The following EXOC4 variants were observed in gnomAD, a reference collection of about 807,000 sequenced individuals.
EXOC4 encodes the protein SEC8-like 1.
A neutral mutation model predicts 107.2 loss-of-function variants in EXOC4; 71 were observed. The observed-to-expected ratio is 0.66, with a 90% CI of 0.55 to 0.81. EXOC4 has a LOEUF of 0.81. Ranked by LOEUF, EXOC4 falls within the 30% of genes least tolerant of loss-of-function variation. The probability of loss-of-function intolerance (pLI) is 0.00; values close to 1 mark genes in which losing one functional copy is unlikely to be tolerated. For missense variants in EXOC4, 1,108 were observed against 1,189.6 expected (o/e 0.93, Z 1.01); for synonymous variants, 456 against 441.2 (o/e 1.03, Z -0.42).
At chr7:133,273,712 T>A (rs969913114) in intron 1 of EXOC4, among the ~76,000 whole-genome samples, 4 of 152,204 alleles carry the variant, frequency 2.6e-5, no homozygotes, top group African/African-American at 9.7e-5. Context: ...TTGCTCTAAA[T>A]GACAGTTCAG....
intron 10 of EXOC4, among the ~76,000 whole-genome samples, chr7:133,661,204 T>A (rs1439504657): frequency 6.6e-6 from 1 of 152,102 alleles, no homozygotes; most frequent in Non-Finnish European, 1.5e-5. Context: ...TGGCAGTCTC[T>A]TGCTGCATGC....
intron 10 of EXOC4, among the ~76,000 whole-genome samples, chr7:133,782,708 A>C (rs1033550496): frequency 2.6e-5 from 4 of 152,228 alleles, no homozygotes; most frequent in Non-Finnish European, 4.4e-5. Flanking sequence ...AATGAATGCC[A>C]GGAATGACTG....
chr7:133,531,106 C>G (rs1182831926), intron 9 of EXOC4, among the ~76,000 whole-genome samples: 1 of 151,854 alleles, frequency 6.6e-6, no homozygotes, highest in Non-Finnish European at 1.5e-5. Context: ...GGAATCCAAA[C>G]TGTAGGAAAA....
intron 14 of EXOC4, among the ~76,000 whole-genome samples, chr7:133,962,676 G>A (rs1163812256): frequency 6.6e-6 from 1 of 152,078 alleles, no homozygotes. Flanking sequence ...TTAAATTTAA[G>A]CAAAATTGAG....
At chr7:133,458,812 A>G (rs1213003803) in intron 7 of EXOC4, among the ~76,000 whole-genome samples, 1 of 152,250 alleles carries the variant, frequency 6.6e-6, no homozygotes, top group Non-Finnish European at 1.5e-5. Context: ...GTACTTCTGC[A>G]TGTTTAATTA....
chr7:134,054,103 G>T (rs937970939), intron 17 of EXOC4, among the ~76,000 whole-genome samples: 1 of 152,022 alleles, frequency 6.6e-6, no homozygotes, highest in African/African-American at 2.4e-5. Flanking sequence ...GCACTACCAC[G>T]CCCAGCCAAT....
At chr7:133,764,417 G>A (rs1262226224) in intron 10 of EXOC4, among the ~76,000 whole-genome samples, 1 of 152,000 alleles carries the variant, frequency 6.6e-6, no homozygotes, top group African/African-American at 2.4e-5. Flanking sequence ...AATATTTTAT[G>A]ATGGCGTCTC....
At chr7:133,900,674 CA>C (rs1799431489) in intron 12 of EXOC4, among the ~76,000 whole-genome samples, 1 of 151,186 alleles carries the variant, frequency 6.6e-6, no homozygotes, top group Non-Finnish European at 1.5e-5. Flanking sequence ...GTGCCTGAAT[CA>C]GGGGACAGGG....
chr7:134,059,993 G>C (rs1274207584), intron 17 of EXOC4, among the ~76,000 whole-genome samples: 3 of 152,146 alleles, frequency 2.0e-5, no homozygotes, highest in Admixed American at 6.5e-5. Context: ...GGGGGAGAAA[G>C]AGTCGCAGTG....
chr7:133,914,361 G>C (rs1799759550), intron 12 of EXOC4, among the ~76,000 whole-genome samples: 1 of 152,146 alleles, frequency 6.6e-6, no homozygotes, highest in Admixed American at 6.5e-5. Context: ...ACATATAGAG[G>C]TCAAATAGAG....
intron 10 of EXOC4, among the ~76,000 whole-genome samples, chr7:133,809,291 A>G (rs989530691): frequency 2.6e-5 from 4 of 152,196 alleles, no homozygotes; most frequent in African/African-American, 9.7e-5. Context: ...GCTTTTATAC[A>G]CAATCTGTGT....
rs1193626098 is a variant in EXOC4 at position 134,017,592 on chromosome 7, C to G, written c.2687+9757C>G. On this transcript the variant is annotated intron_variant, in intron 17 of 17. Coordinates refer to ENST00000253861, the MANE Select transcript of EXOC4 (RefSeq NM_021807.4). The stretch of plus-strand genomic sequence containing the variant: ...GACCATGCCGCTTTTTTCTGATCTC[C>G]CTTTTTTTACATTTACATTAGGTCC... 2.0e-5 allele frequency among the ~76,000 whole-genome samples: 3 copies of G among 152,140 alleles called. No homozygotes were observed. The East Asian group carries it at 5.8e-4, about 29-fold the overall frequency.
the EXOC4 span, among the ~76,000 whole-genome samples, chr7:134,094,630 C>G: frequency 6.6e-6 from 1 of 151,998 alleles, no homozygotes; most frequent in South Asian, 2.1e-4. Context: ...AAACTACAGG[C>G]CAAGATCCTT....
chr7:133,872,480 C>T (rs1475708262), intron 11 of EXOC4, among the ~76,000 whole-genome samples: 1 of 152,160 alleles, frequency 6.6e-6, no homozygotes, highest in African/African-American at 2.4e-5. Flanking sequence ...ATCTGGAAAT[C>T]TCTAGTGGTC....
At chr7:134,051,863 GTAGTC>G (rs1422283715) in intron 17 of EXOC4, among the ~76,000 whole-genome samples, 1 of 151,684 alleles carries the variant, frequency 6.6e-6, no homozygotes, top group Non-Finnish European at 1.5e-5. Flanking sequence ...GTGGGCACCT[GTAGTC>G]CCAGCTACTC....
chr7:133,566,461 C>G (rs572497703), intron 9 of EXOC4, among the ~76,000 whole-genome samples: 1 of 152,238 alleles, frequency 6.6e-6, no homozygotes, highest in East Asian at 1.9e-4. Context: ...TAAGTGCAGA[C>G]TAAAATAGGA....
chr7:133,346,909 G>T (rs926904618), intron 5 of EXOC4, among the ~76,000 whole-genome samples: 1 of 152,086 alleles, frequency 6.6e-6, no homozygotes, highest in Non-Finnish European at 1.5e-5. Flanking sequence ...AAATATAAAT[G>T]AAATAATGCA....
chr7:133,817,447 A>G lies in EXOC4; in HGVS notation c.1637A>G (p.Lys546Arg), dbSNP rs760471069. ...FLNQVLAEIN[K>R]EIEGVTKTSD... ...AATCAAGTCTTGGCTGAGATCAACA[A>G]GGAGATTGAAGGAGTCACTAAAACA... The change falls in exon 11 of 18, where the codon AAG becomes AGG. Residue 546 changes from lysine to arginine, a missense_variant. Coordinates refer to ENST00000253861, the MANE Select transcript of EXOC4 (RefSeq NM_021807.4). 5.0e-6 allele frequency: 8 copies of G among 1,614,116 alleles called. No individual in the cohort carries two copies. The highest frequency in any genetic ancestry group is 6.8e-6 in the Non-Finnish European group (8 of 1,179,980).
intron 11 of EXOC4, among the ~76,000 whole-genome samples, chr7:133,850,634 A>ACCCC (rs765233180): frequency 2.0e-5 from 3 of 147,786 alleles, no homozygotes; most frequent in African/African-American, 5.0e-5. Flanking sequence ...TATCTAGGTT[A>ACCCC]CCCCCCCACA....
Sources: allele counts gnomAD v4.1 joint callset (sites outside exome capture counted in the v4.1 genomes callset), GRCh38; gene constraint gnomAD v4.1.1; transcripts MANE v1.5; gene names NCBI Gene and HGNC (gene_info 2026-07-23, HGNC 2026-07-21).